MNAT1: variants seen among roughly 807,000 people sequenced by gnomAD.
MNAT1 encodes MNAT1 component of CDK activating kinase, also known as CDK-activating kinase assembly factor MAT1.
Under a neutral mutation model 42.0 loss-of-function variants are expected in MNAT1, and 43 were observed. The ratio of observed to expected loss-of-function variants is 1.02; its 90% CI spans 0.80 to 1.32. The LOEUF (loss-of-function observed/expected upper bound fraction) is 1.32. Among genes scored for constraint, MNAT1 ranks in the 40% most tolerant of loss-of-function variants. The pLI is 0.00. For missense variants in MNAT1, 306 were observed against 350.4 expected (o/e 0.87, Z 1.01); for synonymous variants, 118 against 120.0 (o/e 0.98, Z 0.11).
At chr14:60,810,974 C>A (rs909650674) in intron 4 of MNAT1, among the ~76,000 whole-genome samples, 1 of 152,158 alleles carries the variant, frequency 6.6e-6, no homozygotes, top group Non-Finnish European at 1.5e-5. Flanking sequence ...CCTACTGTTA[C>A]TATATTGCTG....
rs4151153 is a variant in MNAT1 at position 60,735,402 on chromosome 14, G to A, written c.89+451G>A. 1.7e-3 allele frequency among the ~76,000 whole-genome samples: 260 copies of A among 152,314 alleles called. 1 individual carries two copies. The highest frequency in any genetic ancestry group is 5.5e-3 in the African/African-American group (230 of 41,576). On this transcript the variant is annotated intron_variant, in intron 1 of 7. Coordinates refer to ENST00000261245, the MANE Select transcript of MNAT1 (RefSeq NM_002431.4). Reference sequence around the variant, plus strand: ...TTGTATGAGTTAATTAAAAAACCCTGTGTGTATGCCCACTTGTCCTGATGG... The same window carrying A: ...TTGTATGAGTTAATTAAAAAACCCTATGTGTATGCCCACTTGTCCTGATGG...
chr14:60,824,734 T>C (rs2033000951), intron 6 of MNAT1, among the ~76,000 whole-genome samples: 1 of 152,190 alleles, frequency 6.6e-6, no homozygotes, highest in African/African-American at 2.4e-5. Context: ...CATAAAATGC[T>C]AAAGCTGGTG....
intron 5 of MNAT1, among the ~76,000 whole-genome samples, chr14:60,814,418 C>G (rs1216499651): frequency 6.6e-6 from 1 of 151,986 alleles, no homozygotes; most frequent in Non-Finnish European, 1.5e-5. Context: ...CCAGGAAAGT[C>G]TTTTTGCATT....
intron 1 of MNAT1, among the ~76,000 whole-genome samples, chr14:60,777,034 G>T (rs1443235118): frequency 6.6e-6 from 1 of 152,026 alleles, no homozygotes. Flanking sequence ...ATTTTTAGTA[G>T]AGACAAGGTT....
chr14:60,767,493 G>A (rs1234067939), intron 1 of MNAT1, among the ~76,000 whole-genome samples: 1 of 152,152 alleles, frequency 6.6e-6, no homozygotes, highest in African/African-American at 2.4e-5. Context: ...GCTGAAGAAA[G>A]TAAATAAAAT....
chr14:60,734,949 T>C lies in MNAT1; in HGVS notation c.87T>C (p.Thr29=), dbSNP rs1594707294. ...TGATGGTGAATGTGTGCGGACACAC[T>C]CTGTGAGTTGGGCGGCAGTGGATTC... The part of the protein sequence containing the change: ...LKLMVNVCGH[T]LCESCVDLLF... The change falls in exon 1 of 8, where the codon ACT becomes ACC. Residue 29 remains threonine (T), a splice_region_variant and synonymous_variant. Coordinates refer to ENST00000261245, the MANE Select transcript of MNAT1 (RefSeq NM_002431.4). The surrounding 1 kb of genome is among the most constrained non-coding windows in gnomAD (Gnocchi z 4.3). 1 of 1,614,056 alleles carries C rather than the reference T, an allele frequency of 6.2e-7. No individual in the cohort carries two copies. The highest frequency in any genetic ancestry group is 8.5e-7 in the Non-Finnish European group (1 of 1,179,968).
intron 1 of MNAT1, among the ~76,000 whole-genome samples, chr14:60,758,540 G>A (rs911309041): frequency 6.6e-6 from 1 of 151,708 alleles, no homozygotes; most frequent in Non-Finnish European, 1.5e-5. Flanking sequence ...GCCGAGGACT[G>A]CTTCAAGCTT....
intron 6 of MNAT1, among the ~76,000 whole-genome samples, chr14:60,820,921 A>G (rs1221298587): frequency 6.6e-6 from 1 of 152,212 alleles, no homozygotes; most frequent in Non-Finnish European, 1.5e-5. Context: ...ATTTGTACTA[A>G]GAAGTCAATG....
chr14:60,875,899 A>T (rs1357805801), intron 6 of MNAT1, among the ~76,000 whole-genome samples: 1 of 151,978 alleles, frequency 6.6e-6, no homozygotes, highest in East Asian at 1.9e-4. Context: ...GCCTTTCTGG[A>T]CCTTGCTGTC....
intron 7 of MNAT1, among the ~76,000 whole-genome samples, chr14:60,937,204 T>C (rs1019811870): frequency 2.6e-5 from 4 of 152,220 alleles, no homozygotes; most frequent in Admixed American, 6.5e-5. Context: ...GTAGTTTCTT[T>C]TGCTGTGCAG....
At chr14:60,788,628 T>C (rs1430580552) in intron 1 of MNAT1, among the ~76,000 whole-genome samples, 2 of 152,048 alleles carry the variant, frequency 1.3e-5, no homozygotes, top group Non-Finnish European at 2.9e-5. Flanking sequence ...TTATCTTAGA[T>C]AGATATTATG....
In MNAT1 at chr14:60,808,520, C is replaced by T. The variant is rs1486065905; in HGVS notation, c.420+92C>T. ...AAGCCATCTTCCTTTAAACCAGTTACATTTATAGAAAATTTAGCTGAAATT... is the reference window on the plus strand; with the variant it reads ...AAGCCATCTTCCTTTAAACCAGTTATATTTATAGAAAATTTAGCTGAAATT... On this transcript the variant is annotated intron_variant, in intron 4 of 7. Coordinates refer to ENST00000261245, the MANE Select transcript of MNAT1 (RefSeq NM_002431.4). 5 of 757,976 alleles carry T rather than the reference C, an allele frequency of 6.6e-6. No individual in the cohort carries two copies. In the East Asian group the frequency reaches 1.2e-4, roughly 18 times the overall value. 47.0% of individuals were successfully genotyped at this position (757,976 alleles called of 1,614,324 possible). A position where few individuals can be genotyped will look rare whatever the true frequency, so the allele number is the denominator to read the frequency against.
intron 2 of MNAT1, among the ~76,000 whole-genome samples, chr14:60,797,834 G>A (rs1370823564): frequency 1.3e-5 from 2 of 152,124 alleles, no homozygotes; most frequent in South Asian, 4.1e-4. Flanking sequence ...GGGGGCTGAG[G>A]CAGCAGAATT....
chr14:60,930,920 T>C (rs1175438055), intron 7 of MNAT1, among the ~76,000 whole-genome samples: 1 of 152,178 alleles, frequency 6.6e-6, no homozygotes. Context: ...TCTCAGTAAC[T>C]AGGCTCTGAA....
At chr14:60,904,994 G>GTT (rs1566546892) in intron 7 of MNAT1, among the ~76,000 whole-genome samples, 7 of 118,660 alleles carry the variant, frequency 5.9e-5, no homozygotes, top group African/African-American at 1.9e-4. Flanking sequence ...TTTTTTTTTT[G>GTT]GACGGAGTCT....
At chr14:60,900,007 ATG>A (rs2035039247) in intron 7 of MNAT1, among the ~76,000 whole-genome samples, 1 of 149,598 alleles carries the variant, frequency 6.7e-6, no homozygotes, top group Non-Finnish European at 1.5e-5. Flanking sequence ...AAGTTAATAA[ATG>A]TGTGTGTTCT....
chr14:60,914,331 C>G (rs1385521800), intron 7 of MNAT1, among the ~76,000 whole-genome samples: 1 of 151,584 alleles, frequency 6.6e-6, no homozygotes, highest in African/African-American at 2.4e-5. Flanking sequence ...CACCCACTGT[C>G]CTGCACCCAC....
chr14:60,936,766 G>A (rs1471329812), intron 7 of MNAT1, among the ~76,000 whole-genome samples: 1 of 152,132 alleles, frequency 6.6e-6, no homozygotes, highest in Non-Finnish European at 1.5e-5. Flanking sequence ...GGGTCAAATG[G>A]TATTTCTAGT....
intron 7 of MNAT1, among the ~76,000 whole-genome samples, chr14:60,889,344 A>T (rs551082461): frequency 7.1e-4 from 108 of 152,316 alleles, no homozygotes; most frequent in Middle Eastern, 6.8e-3. Context: ...AAAACAAGCA[A>T]TGGGGAAAGG....
Sources: gnomAD v4.1 joint callset for allele counts (sites outside exome capture counted in the v4.1 genomes callset) on GRCh38, gnomAD v4.1.1 for gene constraint, Gnocchi (gnomAD v3.1) non-coding constraint, MANE v1.5 for transcripts, NCBI Gene and HGNC (gene_info 2026-07-23, HGNC 2026-07-21) for gene names.